The following NOX1 variants were observed in gnomAD, a reference collection of about 807,000 sequenced individuals.
NOX1 encodes NADPH oxidase 1.
In NOX1, 34 loss-of-function variants were observed where a neutral mutation model predicts 42.5. That is an observed-to-expected ratio of 0.80 (90% CI 0.61 to 1.07). NOX1 has a LOEUF of 1.07. Ranked by LOEUF, NOX1 falls within the 50% of genes least tolerant of loss-of-function variation. The pLI, the probability that NOX1 is intolerant of heterozygous loss-of-function variation, is 0.00. For missense variants in NOX1, 408 were observed against 427.0 expected, an observed-to-expected ratio of 0.96 and a Z score of 0.39; for synonymous variants, 143 against 152.5, an observed-to-expected ratio of 0.94 and a Z score of 0.46.
At chrX:100,859,005 T>G (rs190514691) in intron 7 of NOX1, among the ~76,000 whole-genome samples, 13 of 111,661 alleles carry the variant, frequency 1.2e-4, no homozygotes, top group African/African-American at 4.2e-4. Context: ...TCCTTGTCTT[T>G]TTCCAGTTTT....
At chrX:100,861,922 AT>A (rs1419036494) in intron 7 of NOX1, among the ~76,000 whole-genome samples, 1 of 112,325 alleles carries the variant, frequency 8.9e-6, no homozygotes, top group East Asian at 2.8e-4. Flanking sequence ...GGCTATCATT[AT>A]TACCTTTGCA....
At chrX:100,851,414 T>C in intron 7 of NOX1, 89 bp from the exon 8 acceptor site, 1 of 448,607 alleles carries the variant, frequency 2.2e-6, no homozygotes, top group East Asian at 4.5e-5. Context: ...CATTCTTTAC[T>C]GAGTTCTCCA....
At chrX:100,871,685 C>T (rs900482910) in intron 1 of NOX1, among the ~76,000 whole-genome samples, 1 of 111,959 alleles carries the variant, frequency 8.9e-6, no homozygotes, top group Non-Finnish European at 1.9e-5. Flanking sequence ...CAACTGGTCT[C>T]TAGCCCAAGT....
intron 2 of NOX1, among the ~76,000 whole-genome samples, chrX:100,868,246 T>C (rs951602780): frequency 1.4e-4 from 16 of 112,078 alleles, no homozygotes; most frequent in African/African-American, 4.9e-4. Context: ...TCTTTGATTA[T>C]GGAGAGAGAA....
chrX:100,866,860 C>G (rs1286308364), intron 2 of NOX1, among the ~76,000 whole-genome samples: 1 of 110,308 alleles, frequency 9.1e-6, no homozygotes, highest in Non-Finnish European at 1.9e-5. Flanking sequence ...GACTTCATCA[C>G]TATGCAATAT....
chrX:100,850,051 C>A, intron 9 of NOX1, 100 bp downstream of exon 9: 1 of 978,687 alleles, frequency 1.0e-6, no homozygotes. Flanking sequence ...TATTATAATC[C>A]TATTCTATTG....
chrX:100,854,837 C>G, intron 7 of NOX1, among the ~76,000 whole-genome samples: 1 of 111,240 alleles, frequency 9.0e-6, no homozygotes, highest in East Asian at 2.8e-4. Flanking sequence ...TCCACCCAAG[C>G]AGGTTGTATA....
intron 2 of NOX1, among the ~76,000 whole-genome samples, chrX:100,869,840 A>G (rs2085262317): frequency 1.0e-5 from 1 of 100,078 alleles, no homozygotes; most frequent in South Asian, 5.2e-4. Flanking sequence ...TGTCCCATCA[A>G]TACCTAATTT....
At chrX:100,869,980 A>G (rs1286914650) in intron 2 of NOX1, among the ~76,000 whole-genome samples, 7 of 92,246 alleles carry the variant, frequency 7.6e-5, no homozygotes, top group African/African-American at 7.9e-5. Context: ...ATTTGTGTAT[A>G]TTGAACCAGC....
Position 100,866,353 on chromosome X carries a change from C to T in NOX1, c.142-2758G>A, listed in dbSNP as rs888347546. Among the ~76,000 whole-genome samples, 19 of 111,229 alleles carry T rather than the reference C, an allele frequency of 1.7e-4. No individual in the cohort carries two copies. In the Admixed American group the frequency reaches 1.7e-3, roughly 10 times the overall value. ...GTCTTATTATATGTGTTTACCCAAA[C>T]TCATAGAACTGTATACCAAAAAACA... On this transcript the variant is annotated intron_variant, in intron 2 of 12. Coordinates refer to ENST00000372966, the MANE Select transcript of NOX1 (RefSeq NM_007052.5).
intron 12 of NOX1, 87 bp downstream of exon 12, chrX:100,848,543 C>T (rs2085089615): frequency 1.1e-5 from 10 of 920,577 alleles, no homozygotes; most frequent in Non-Finnish European, 1.5e-5. Context: ...CCACCCACTT[C>T]GGCCTCCCAA....
chrX:100,851,027 A>G (rs1483756709), intron 8 of NOX1, among the ~76,000 whole-genome samples: 1 of 108,331 alleles, frequency 9.2e-6, no homozygotes, highest in African/African-American at 3.4e-5. Flanking sequence ...TTTATTAGAG[A>G]TGGGGTTTCG....
At position 100,874,191 on chromosome X, in the gene NOX1, C is replaced by A. The variant is rs2085293707; in HGVS notation, c.-52G>T. ...TAGGCAACAGGGAAGATTCAGCAATCCGGATTCTGGAGAGGTCCTTCAGGA... is the reference window on the plus strand; with the variant it reads ...TAGGCAACAGGGAAGATTCAGCAATACGGATTCTGGAGAGGTCCTTCAGGA... On this transcript the variant is annotated 5_prime_UTR_variant, in exon 1 of 13. Coordinates refer to ENST00000372966, the MANE Select transcript of NOX1 (RefSeq NM_007052.5). The A allele has an allele frequency of 1.1e-6, 1 of 933,155 alleles. No homozygotes were observed. Among genetic ancestry groups the A allele is most frequent in the African/African-American group, 1.9e-5 (1 of 52,133 alleles). The allele number at this position is 933,155 out of a possible 1,213,427, so 76.9% of individuals were successfully genotyped here.
At chrX:100,853,806 G>T (rs2085147532) in intron 7 of NOX1, among the ~76,000 whole-genome samples, 1 of 110,811 alleles carries the variant, frequency 9.0e-6, no homozygotes, top group African/African-American at 3.3e-5. Context: ...AAAGTGCTGG[G>T]ATTACAGGCA....
intron 11 of NOX1, 64 bp downstream of exon 11, chrX:100,849,216 A>T (rs912134013): frequency 3.6e-6 from 4 of 1,119,491 alleles, no homozygotes; most frequent in Admixed American, 2.2e-5. Flanking sequence ...ATCCATATGC[A>T]CTATCCTTTG....
At chrX:100,850,441 G>A in intron 8 of NOX1, 55 bp from the exon 9 acceptor site, 1 of 793,324 alleles carries the variant, frequency 1.3e-6, no homozygotes, top group Non-Finnish European at 1.8e-6. Context: ...GACAGGGACA[G>A]GCAGATAAAG....
rs927826716 is a variant in NOX1, at chrX:100,843,885, C to T, written c.*67G>A. On this transcript the variant is annotated 3_prime_UTR_variant, in exon 13 of 13. Transcript: ENST00000372966. ...TCCTAAAGTGACTGCTCAAACCTGA[C>T]GAGACCAAGTAAATTACTGAAGATA... 4.0e-6 allele frequency: 4 copies of T among 1,003,843 alleles called. No homozygotes were observed. Among genetic ancestry groups the T allele is most frequent in the South Asian group, 2.2e-5 (1 of 46,210 alleles). The allele number at this position is 1,003,843 out of a possible 1,213,427, so 82.7% of individuals were successfully genotyped here.
chrX:100,852,638 T>C (rs893466951), intron 7 of NOX1, among the ~76,000 whole-genome samples: 2 of 111,946 alleles, frequency 1.8e-5, no homozygotes, highest in African/African-American at 6.5e-5. Flanking sequence ...CTGTGTGAAG[T>C]GAGGTTTCTT....
intron 1 of NOX1, 100 bp downstream of exon 1, chrX:100,873,995 G>A: frequency 1.6e-6 from 1 of 616,863 alleles, no homozygotes; most frequent in Non-Finnish European, 2.6e-6. Context: ...CCAATAATCG[G>A]CATGGAATCA....
Sources: allele counts gnomAD v4.1 joint callset (sites outside exome capture counted in the v4.1 genomes callset), GRCh38; gene constraint gnomAD v4.1.1; transcripts MANE v1.5; gene names NCBI Gene and HGNC (gene_info 2026-07-23, HGNC 2026-07-21).